Variants in SPATA9 observed in about 807,000 individuals in gnomAD.
The protein encoded by SPATA9 is spermatogenesis associated 9.
In SPATA9, 27 loss-of-function variants were observed where a neutral mutation model predicts 25.5. That is an observed-to-expected ratio of 1.06 (90% CI 0.78 to 1.46). The LOEUF is 1.46. Among genes scored for constraint, SPATA9 ranks in the 40% most tolerant of loss-of-function variants. The pLI, the probability that SPATA9 is intolerant of heterozygous loss-of-function variation, is 0.00. For missense variants in SPATA9, 282 were observed against 297.5 expected (o/e 0.95, Z 0.38); for synonymous variants, 102 against 105.7 (o/e 0.97, Z 0.21).
chr5:95,708,311 AT>A, the SPATA9 span, among the ~76,000 whole-genome samples: 8 of 150,432 alleles, frequency 5.3e-5, no homozygotes, highest in African/African-American at 9.7e-5. Flanking sequence ...TGAGACCAGG[AT>A]TTTTTTTTTG....
At chr5:95,695,162 T>C (rs1411079116) in intron 1 of SPATA9, among the ~76,000 whole-genome samples, 1 of 152,200 alleles carries the variant, frequency 6.6e-6, no homozygotes, top group Non-Finnish European at 1.5e-5. Context: ...ATAAATACTA[T>C]TTTGTAGGTA....
intron 3 of SPATA9, among the ~76,000 whole-genome samples, chr5:95,667,402 G>A (rs62365881): frequency 0.023 from 3,547 of 152,114 alleles, 61 homozygotes; most frequent in Middle Eastern, 0.055. Context: ...CTAGATGTAG[G>A]GATAGGTAGG....
chr5:95,674,727 T>C (rs568562110), intron 3 of SPATA9: 1 of 456,492 alleles, frequency 2.2e-6, no homozygotes, highest in Non-Finnish European at 4.4e-6. Context: ...CTCTGGGTTG[T>C]TTATGGGAGC....
chr5:95,656,092 A>T, downstream of SPATA9: 4 of 1,613,720 alleles, frequency 2.5e-6, no homozygotes, highest in Non-Finnish European at 3.4e-6. Context: ...CATAAATACA[A>T]AATTACTTTG....
chr5:95,655,220 T>C (rs1750670488), downstream of SPATA9: 1 of 152,254 alleles, frequency 6.6e-6, no homozygotes, highest in Non-Finnish European at 1.5e-5. Flanking sequence ...CTGACAGTTT[T>C]ATGTAATGTA....
intron 3 of SPATA9, among the ~76,000 whole-genome samples, chr5:95,664,458 T>C (rs780419224): frequency 4.6e-5 from 7 of 152,232 alleles, no homozygotes; most frequent in Non-Finnish European, 1.0e-4. Flanking sequence ...TAGAGATTAA[T>C]GACCTGCTTG....
chr5:95,661,481 C>T (rs757172054), intron 4 of SPATA9, among the ~76,000 whole-genome samples: 22 of 151,946 alleles, frequency 1.4e-4, no homozygotes, highest in Non-Finnish European at 1.2e-4. Context: ...AAGTTCATGG[C>T]GTGATAAATT....
At chr5:95,712,310 C>T in the SPATA9 span, among the ~76,000 whole-genome samples, 1 of 152,174 alleles carries the variant, frequency 6.6e-6, no homozygotes, top group Non-Finnish European at 1.5e-5. Flanking sequence ...ATACTCCTCT[C>T]ATTAAGAAAT....
At chr5:95,689,017 C>T (rs1753818599) in intron 1 of SPATA9, among the ~76,000 whole-genome samples, 2 of 152,100 alleles carry the variant, frequency 1.3e-5, no homozygotes, top group African/African-American at 4.8e-5. Flanking sequence ...ACATAAGACA[C>T]ACATATAAAT....
chr5:95,682,148 T>G (rs77881626), intron 2 of SPATA9, among the ~76,000 whole-genome samples: 7,317 of 152,280 alleles, frequency 0.048, 226 homozygotes, highest in African/African-American at 0.086. Flanking sequence ...ATCCATGTTG[T>G]ATTTATCTTT....
At chr5:95,703,477 T>C (rs542195891), upstream of SPATA9, among the ~76,000 whole-genome samples, 44 of 152,006 alleles carry the variant, frequency 2.9e-4, no homozygotes, top group African/African-American at 9.7e-4. Flanking sequence ...ACACTAAAAA[T>C]ACAGAAATTA....
In SPATA9 at chr5:95,666,377, A is replaced by G. The variant is rs540386643; in HGVS notation, c.379-2329T>C. The stretch of plus-strand genomic sequence containing the variant: ...TTTCTAGCCCCAGAGTTCTTGAGTA[A>G]TGAAATCTTGGACAAATTAATTCTT... On this transcript the variant is annotated intron_variant, in intron 3 of 4. Transcript: ENST00000274432. 2.0e-5 allele frequency among the ~76,000 whole-genome samples: 3 copies of G among 152,312 alleles called. No homozygotes were observed. In the South Asian group the frequency reaches 6.2e-4, roughly 32 times the overall value.
chr5:95,699,382 A>C (rs868324230), upstream of SPATA9, among the ~76,000 whole-genome samples: 2 of 152,284 alleles, frequency 1.3e-5, no homozygotes, highest in African/African-American at 4.8e-5. Flanking sequence ...TACAATCAGC[A>C]CTCCATAGGT....
chr5:95,653,247 C>T (rs1750471670), intron 8 of SPATA9: 3 of 1,550,850 alleles, frequency 1.9e-6, no homozygotes, highest in Non-Finnish European at 2.6e-6. Flanking sequence ...TTCATACCCA[C>T]CTTCTCTTGC....
At chr5:95,652,395 T>G (rs189692949), downstream of SPATA9, 28 of 1,534,230 alleles carry the variant, frequency 1.8e-5, 1 homozygote, top group Admixed American at 3.2e-4. Context: ...ATTCTCGACT[T>G]TAGTCTCATA....
At chr5:95,673,376 TTGTGTGTG>T (rs10557096) in intron 3 of SPATA9, among the ~76,000 whole-genome samples, 1 of 150,354 alleles carries the variant, frequency 6.7e-6, no homozygotes, top group Non-Finnish European at 1.5e-5. Context: ...GTGTGTGTGT[TTGTGTGTG>T]TGTGTGTGTG....
chr5:95,688,503 T>C (rs1247120005), intron 1 of SPATA9, among the ~76,000 whole-genome samples: 1 of 152,182 alleles, frequency 6.6e-6, no homozygotes, highest in African/African-American at 2.4e-5. Context: ...CCTCCCACCT[T>C]GGTCTCCTAA....
At chr5:95,725,248 C>A in the SPATA9 span, among the ~76,000 whole-genome samples, 2 of 152,236 alleles carry the variant, frequency 1.3e-5, no homozygotes, top group Admixed American at 1.3e-4. Context: ...ACAGCTACAT[C>A]AACACCATTG....
upstream of SPATA9, among the ~76,000 whole-genome samples, chr5:95,685,573 T>G (rs1443479062): frequency 6.6e-6 from 1 of 152,254 alleles, no homozygotes; most frequent in African/African-American, 2.4e-5. Flanking sequence ...TTTGTGACTA[T>G]GCACATCTAA....
Sources: allele counts gnomAD v4.1 joint callset (sites outside exome capture counted in the v4.1 genomes callset), GRCh38; gene constraint gnomAD v4.1.1; transcripts MANE v1.5; gene names NCBI Gene and HGNC (gene_info 2026-07-23, HGNC 2026-07-21).